The following ARHGEF28 variants were observed in gnomAD, a reference collection of about 807,000 sequenced individuals.
ARHGEF28 encodes the protein 190 kDa guanine nucleotide exchange factor.
Under a neutral mutation model 206.6 loss-of-function variants are expected in ARHGEF28, and 152 were observed. The ratio of observed to expected loss-of-function variants is 0.74; its 90% CI spans 0.64 to 0.84. ARHGEF28 has a LOEUF of 0.84. Among genes scored for constraint, ARHGEF28 ranks in the 40% least tolerant of loss-of-function variants. The pLI, the probability that ARHGEF28 is intolerant of heterozygous loss-of-function variation, is 0.00. For missense variants in ARHGEF28, 2,028 were observed against 2,073.2 expected (o/e 0.98, Z 0.42); for synonymous variants, 763 against 776.4 (o/e 0.98, Z 0.29).
In ARHGEF28 at chr5:73,820,789, A is replaced by T. The variant is rs575266023; in HGVS notation, c.1025-11549A>T. ...TTCTTCTCAGAGGGCTTCGGGATTT[A>T]TGGGATCCCATTCTCACCATGCAGG... On this transcript the variant is annotated intron_variant, in intron 9 of 35. Transcript: ENST00000513042. Among the ~76,000 whole-genome samples the T allele has an allele frequency of 2.0e-5, 3 of 152,224 alleles. No individual in the cohort carries two copies. The South Asian group carries it at 6.2e-4, about 32-fold the overall frequency.
chr5:73,689,071 A>G (rs1247084051), intron 2 of ARHGEF28, among the ~76,000 whole-genome samples: 2 of 152,206 alleles, frequency 1.3e-5, no homozygotes, highest in African/African-American at 4.8e-5. Flanking sequence ...GCTTTGTCAA[A>G]TCTTGGCCTT....
At chr5:73,694,125 C>T (rs1289442366) in intron 2 of ARHGEF28, among the ~76,000 whole-genome samples, 1 of 152,218 alleles carries the variant, frequency 6.6e-6, no homozygotes, top group East Asian at 1.9e-4. Flanking sequence ...TTAGCTTCAT[C>T]CCATTTCACA....
In ARHGEF28 at chr5:73,738,214, A is replaced by T. The variant is rs535562914; in HGVS notation, c.34-11623A>T. Among the ~76,000 whole-genome samples the T allele has an allele frequency of 2.0e-5, 3 of 152,196 alleles. No homozygotes were observed. In the South Asian group the frequency reaches 6.2e-4, roughly 32 times the overall value. On this transcript the variant is annotated intron_variant, in intron 2 of 35. Transcript: ENST00000513042. ...CAGACTGTTGCTCTTCCCCACTAGT[A>T]GCTTGGGGGAGTGGGAAAGGTATTC...
At chr5:73,704,701 A>C (rs550678664) in intron 2 of ARHGEF28, among the ~76,000 whole-genome samples, 145 of 152,344 alleles carry the variant, frequency 9.5e-4, no homozygotes, top group Middle Eastern at 3.4e-3. Context: ...CTGGGATTAC[A>C]GGCATGAGCC....
At chr5:73,927,668 C>G (rs902433590) in intron 35 of ARHGEF28, among the ~76,000 whole-genome samples, 2 of 152,164 alleles carry the variant, frequency 1.3e-5, no homozygotes, top group Admixed American at 6.5e-5. Flanking sequence ...TTTATGTTCT[C>G]TTTTGATTGC....
chr5:73,808,374 T>C (rs1269987697), intron 9 of ARHGEF28, among the ~76,000 whole-genome samples: 7 of 152,168 alleles, frequency 4.6e-5, no homozygotes, highest in Admixed American at 4.6e-4. Flanking sequence ...ATGTGCTGTT[T>C]CTACCATGCT....
At chr5:73,631,527 A>G (rs903240992) in intron 1 of ARHGEF28, among the ~76,000 whole-genome samples, 3 of 152,194 alleles carry the variant, frequency 2.0e-5, no homozygotes, top group African/African-American at 7.2e-5. Context: ...AGAATCTCTC[A>G]AGTGGACCTG....
intron 7 of ARHGEF28, among the ~76,000 whole-genome samples, chr5:73,794,127 A>G (rs1361950141): frequency 1.3e-5 from 2 of 152,144 alleles, no homozygotes; most frequent in African/African-American, 4.8e-5. Flanking sequence ...AAGGGCATTT[A>G]TTTATTTAAT....
intron 2 of ARHGEF28, among the ~76,000 whole-genome samples, chr5:73,743,163 G>C (rs1012117806): frequency 6.6e-6 from 1 of 151,764 alleles, no homozygotes; most frequent in African/African-American, 2.4e-5. Flanking sequence ...ATTTCTTTCG[G>C]TGCTGGTCTG....
At chr5:73,851,187 C>T (rs1365922465) in intron 13 of ARHGEF28, among the ~76,000 whole-genome samples, 1 of 152,122 alleles carries the variant, frequency 6.6e-6, no homozygotes, top group African/African-American at 2.4e-5. Context: ...TTTGTGTTGC[C>T]ATAAATCCTT....
At chr5:73,837,145 G>A (rs1379526031) in intron 10 of ARHGEF28, among the ~76,000 whole-genome samples, 1 of 151,676 alleles carries the variant, frequency 6.6e-6, no homozygotes, top group Non-Finnish European at 1.5e-5. Flanking sequence ...AGCTCTTCTG[G>A]GTCTTTTGGG....
At chr5:73,845,303 A>G (rs897632081) in intron 11 of ARHGEF28, among the ~76,000 whole-genome samples, 1 of 152,180 alleles carries the variant, frequency 6.6e-6, no homozygotes, top group Non-Finnish European at 1.5e-5. Flanking sequence ...GGCGTGAGCC[A>G]CTGCGCCCAG....
At chr5:73,744,259 T>C (rs1214072136) in intron 2 of ARHGEF28, among the ~76,000 whole-genome samples, 1 of 152,166 alleles carries the variant, frequency 6.6e-6, no homozygotes, top group Non-Finnish European at 1.5e-5. Flanking sequence ...GTAATTTGAA[T>C]AAAATACTTT....
At chr5:73,710,878 A>G (rs1306048510) in intron 2 of ARHGEF28, among the ~76,000 whole-genome samples, 3 of 152,038 alleles carry the variant, frequency 2.0e-5, no homozygotes, top group African/African-American at 7.3e-5. Flanking sequence ...TACTTTTTGT[A>G]GTTTTAGTAG....
At chr5:73,794,637 C>T (rs1380783124) in intron 8 of ARHGEF28, among the ~76,000 whole-genome samples, 183 bp downstream of exon 8, 3 of 148,400 alleles carry the variant, frequency 2.0e-5, no homozygotes, top group Non-Finnish European at 4.5e-5. Context: ...GATGGAGCCT[C>T]GCTCTGTCAC....
chr5:73,850,735 A>G (rs1758646237), intron 13 of ARHGEF28, among the ~76,000 whole-genome samples: 2 of 152,160 alleles, frequency 1.3e-5, no homozygotes, highest in Admixed American at 6.5e-5. Context: ...TTTAATGATC[A>G]AGGAAGGGTG....
At chr5:73,859,446 A>T (rs1305293313) in intron 16 of ARHGEF28, among the ~76,000 whole-genome samples, 1 of 152,212 alleles carries the variant, frequency 6.6e-6, no homozygotes, top group Non-Finnish European at 1.5e-5. Context: ...TGATTGAATT[A>T]AAAAATTTAG....
At chr5:73,763,080 G>A (rs1455785548) in intron 4 of ARHGEF28, among the ~76,000 whole-genome samples, 1 of 152,200 alleles carries the variant, frequency 6.6e-6, no homozygotes, top group Non-Finnish European at 1.5e-5. Flanking sequence ...AAGAAGAAAT[G>A]TTGGTGTGGT....
intron 1 of ARHGEF28, among the ~76,000 whole-genome samples, chr5:73,665,709 A>G (rs1745907772): frequency 6.6e-6 from 1 of 151,984 alleles, no homozygotes; most frequent in African/African-American, 2.4e-5. Context: ...ATAAACCCAC[A>G]CCCATGATAA....
Sources: gnomAD v4.1 joint callset for allele counts (sites outside exome capture counted in the v4.1 genomes callset) on GRCh38, gnomAD v4.1.1 for gene constraint, MANE v1.5 for transcripts, NCBI Gene and HGNC (gene_info 2026-07-23, HGNC 2026-07-21) for gene names.